TFRC: variants seen among roughly 807,000 people sequenced by gnomAD.
TFRC encodes the protein transferrin receptor.
TFRC carries 35 observed loss-of-function variants against 85.8 expected under a neutral mutation model. The ratio of observed to expected loss-of-function variants is 0.41; its 90% confidence interval spans 0.31 to 0.54. TFRC has a LOEUF of 0.54. Ranked by LOEUF, TFRC falls within the 20% of genes least tolerant of loss-of-function variation. TFRC has a pLI of 0.31. For synonymous variants in TFRC, 362 were observed against 328.6 expected, an observed-to-expected ratio of 1.10 and a Z score of -1.10; for missense variants, 828 against 921.5, an observed-to-expected ratio of 0.90 and a Z score of 1.31.
Position 196,054,170 on chromosome 3 carries a change from G to C in TFRC, c.1900-612C>G, listed in dbSNP as rs151327252. On this transcript the variant is annotated intron_variant, in intron 17 of 18. Coordinates refer to ENST00000360110, the MANE Select transcript of TFRC (RefSeq NM_001128148.3). ...GGAGAATGGCGTGAACCCGGGAGGC[G>C]CATCTTACAGTGAGCCGAGATCTCG... Among the ~76,000 whole-genome samples, 757 of 152,200 alleles carry C rather than the reference G, an allele frequency of 5.0e-3. 9 individuals carry two copies. Among genetic ancestry groups the C allele is most frequent in the African/African-American group, 0.018 (732 of 41,530 alleles).
At chr3:196,056,107 T>TCC (rs994375099) in intron 16 of TFRC, among the ~76,000 whole-genome samples, 2 of 152,186 alleles carry the variant, frequency 1.3e-5, no homozygotes, top group African/African-American at 4.8e-5. Flanking sequence ...CAATCATGGC[T>TCC]CCCCACAGCC....
intron 1 of TFRC, among the ~76,000 whole-genome samples, chr3:196,081,384 C>T (rs1247442515): frequency 6.6e-6 from 1 of 152,220 alleles, no homozygotes; most frequent in African/African-American, 2.4e-5. Context: ...TACAGAAACC[C>T]GTATCTAATT....
intron 7 of TFRC, among the ~76,000 whole-genome samples, chr3:196,069,104 T>C (rs907719086): frequency 2.6e-5 from 4 of 152,100 alleles, no homozygotes; most frequent in African/African-American, 9.7e-5. Context: ...GTGTGAGCCC[T>C]GCCACTTTTT....
intron 13 of TFRC, chr3:196,060,491 C>G (rs1362372817): frequency 2.2e-6 from 1 of 450,670 alleles, no homozygotes; most frequent in East Asian, 4.1e-5. Context: ...TCCAAGTCAC[C>G]TTTTTTAAAA....
rs1173946134 is a variant in TFRC, at chr3:196,060,797, CAAAAAAAAAAAAAAAAAAA to C, written c.1469-569_1469-551del. On this transcript the variant is annotated intron_variant, in intron 13 of 18. Coordinates refer to ENST00000360110, the MANE Select transcript of TFRC (RefSeq NM_001128148.3). ...TGGGTGACAAAGCGAGACTCCATCT[CAAAAAAAAAAAAAAAAAAA>C]AAAAAAAAAATCAGACCAGTTTTAG... Among the ~76,000 whole-genome samples the C allele has an allele frequency of 2.2e-4, 8 of 36,946 alleles. No homozygotes were observed. The South Asian group carries it at 0.011, about 52-fold the overall frequency. 24.2% of individuals were successfully genotyped at this position (36,946 alleles called of 152,430 possible).
chr3:196,067,731 T>G, intron 8 of TFRC, 74 bp from the exon 9 acceptor site: 2 of 1,541,202 alleles, frequency 1.3e-6, no homozygotes, highest in Non-Finnish European at 1.8e-6. Context: ...AGGTTTGGTA[T>G]AAGGCTGCAG....
In TFRC at chr3:196,069,406, G is replaced by A. The variant is rs41303531; in HGVS notation, c.801+49C>T. ...ACAAGAAATATCACTTACCTGAAGA[G>A]TAAGATACCAAAAGTACTGTATTTA... is the stretch of plus-strand genomic sequence containing the variant. On this transcript the variant is annotated intron_variant, in intron 7 of 18. Coordinates refer to ENST00000360110, the MANE Select transcript of TFRC (RefSeq NM_001128148.3). The A allele has an allele frequency of 2.1e-4, 230 of 1,107,072 alleles. No individual in the cohort carries two copies. The African/African-American group carries it at 3.4e-3, about 17-fold the overall frequency. 68.6% of individuals were successfully genotyped at this position (1,107,072 alleles called of 1,614,324 possible).
At chr3:196,074,190 T>G (rs1181912894) in intron 3 of TFRC, 65 bp from the exon 4 acceptor site, 2 of 1,448,268 alleles carry the variant, frequency 1.4e-6, no homozygotes, top group Non-Finnish European at 1.9e-6. Flanking sequence ...TGTTAATCTG[T>G]TAATATTTTC....
At chr3:196,059,339 A>T (rs761685743) in intron 14 of TFRC, among the ~76,000 whole-genome samples, 4 of 151,990 alleles carry the variant, frequency 2.6e-5, no homozygotes, top group Non-Finnish European at 5.9e-5. Context: ...CAAACAAACA[A>T]ACAAACAAAA....
At chr3:196,068,203 T>C in intron 7 of TFRC, 73 bp from the exon 8 acceptor site, 2 of 1,059,002 alleles carry the variant, frequency 1.9e-6, no homozygotes, top group Non-Finnish European at 2.8e-6. Flanking sequence ...CTGGACATTA[T>C]GCTAAAGGCC....
At chr3:196,063,021 A>G in intron 11 of TFRC, 82 bp from the exon 12 acceptor site, 1 of 1,120,732 alleles carries the variant, frequency 8.9e-7, no homozygotes, top group East Asian at 2.4e-5. Context: ...AAGATGAATC[A>G]GAAGGTCTAA....
Position 196,065,504 on chromosome 3 carries a change from A to AT in TFRC, c.1136dup (p.Asn379LysfsTer10). On this transcript the variant is annotated frameshift_variant, in exon 10 of 19. Transcript: ENST00000360110. LOFTEE classifies it high-confidence loss of function. ...TAAGAATTTTTATCTCTTTCAGCAC[A>AT]TTGCTCACAGTGAGCTTCACATTCT... 6.3e-7 allele frequency: 1 copy of AT among 1,599,530 alleles called. No individual in the cohort carries two copies. Among genetic ancestry groups the AT allele is most frequent in the Non-Finnish European group, 8.5e-7 (1 of 1,173,690 alleles).
chr3:196,075,046 CAAAAAAAA>C (rs56119775), intron 3 of TFRC, 105 bp downstream of exon 3: 4 of 529,628 alleles, frequency 7.6e-6, no homozygotes, highest in Non-Finnish European at 1.2e-5. Context: ...CCTCTGTCTC[CAAAAAAAA>C]AAAAAAAAAA....
At chr3:196,066,620 A>AGG (rs1206037995) in intron 9 of TFRC, among the ~76,000 whole-genome samples, 1 of 152,236 alleles carries the variant, frequency 6.6e-6, no homozygotes, top group African/African-American at 2.4e-5. Flanking sequence ...TACGATTTGT[A>AGG]GGTGGTAGGT....
At chr3:196,058,472 TGTAA>T (rs1417695791) in intron 15 of TFRC, 98 bp downstream of exon 15, 2 of 1,462,778 alleles carry the variant, frequency 1.4e-6, no homozygotes, top group African/African-American at 1.4e-5. Context: ...TATCTTTAGG[TGTAA>T]GTAAGTTCAA....
intron 16 of TFRC, among the ~76,000 whole-genome samples, chr3:196,057,428 G>A (rs1247040848): frequency 1.3e-5 from 2 of 152,016 alleles, no homozygotes; most frequent in Non-Finnish European, 2.9e-5. Context: ...TTGCTCACTC[G>A]GGGAGCTCAG....
intron 7 of TFRC, 119 bp downstream of exon 7, chr3:196,069,336 G>A (rs185772510): frequency 3.0e-6 from 2 of 659,380 alleles, no homozygotes; most frequent in African/African-American, 1.9e-5. Context: ...ATATTATCTG[G>A]TATGAGAGTT....
intron 10 of TFRC, among the ~76,000 whole-genome samples, chr3:196,064,663 T>G (rs1430621572): frequency 6.6e-6 from 1 of 152,232 alleles, no homozygotes; most frequent in African/African-American, 2.4e-5. Context: ...ACTGACTACT[T>G]AAGTCCAAGG....
In TFRC at chr3:196,051,201, G is replaced by A. The variant is rs41298107; in HGVS notation, c.*741C>T. 7,888 of 217,190 alleles carry A rather than the reference G, an allele frequency of 0.036. 171 individuals carry two copies. The highest frequency in any genetic ancestry group is 0.099 in the South Asian group (533 of 5,394). The allele number at this position is 217,190 out of a possible 1,614,324, so 13.5% of individuals were successfully genotyped here. ...CACCTGAAACTGGTTCTCTTTCAAT[G>A]TGCTTTGGAAGAAACAAAAATAACA... is the stretch of plus-strand genomic sequence containing the variant. On this transcript the variant is annotated 3_prime_UTR_variant, in exon 19 of 19. Transcript: ENST00000360110.
Sources: allele counts gnomAD v4.1 joint callset (sites outside exome capture counted in the v4.1 genomes callset), GRCh38; gene constraint gnomAD v4.1.1; transcripts MANE v1.5; gene names NCBI Gene and HGNC (gene_info 2026-07-23, HGNC 2026-07-21).